RERE: variants seen among roughly 807,000 people sequenced by gnomAD.
RERE encodes arginine-glutamic acid dipeptide repeats.
Under a neutral mutation model 146.1 loss-of-function variants are expected in RERE, and 40 were observed. The observed-to-expected ratio is 0.27, with a 90% CI of 0.21 to 0.36. The LOEUF (loss-of-function observed/expected upper bound fraction) is 0.36, where lower values mean the gene tolerates loss of function less well. Ranked by LOEUF, RERE falls within the 10% of genes least tolerant of loss-of-function variation. RERE has a pLI of 1.00. For synonymous variants in RERE, 1,003 were observed against 866.0 expected (o/e 1.16, Z -2.78); for missense variants, 1,933 against 2,138.7 (o/e 0.90, Z 1.90).
In RERE at chr1:8,365,227, C is replaced by G. The variant is rs116149839; in HGVS notation, c.1448-389G>C. Reference sequence around the variant, plus strand: ...CCCAACCCGTCCTGCTAGGTGATTTCTAGTCGCCTGCATGCGCAACACCGG... The same window carrying G: ...CCCAACCCGTCCTGCTAGGTGATTTGTAGTCGCCTGCATGCGCAACACCGG... On this transcript the variant is annotated intron_variant, in intron 13 of 22. Transcript: ENST00000400908. Among the ~76,000 whole-genome samples the G allele has an allele frequency of 4.4e-3, 676 of 152,302 alleles. 4 individuals are homozygous for G. The highest frequency in any genetic ancestry group is 0.015 in the African/African-American group (644 of 41,564).
At chr1:8,524,597 A>C (rs1386114456) in intron 7 of RERE, among the ~76,000 whole-genome samples, 2 of 152,168 alleles carry the variant, frequency 1.3e-5, no homozygotes, top group African/African-American at 4.8e-5. Flanking sequence ...AAATGCACAA[A>C]ATTTAGGTGG....
intron 1 of RERE, among the ~76,000 whole-genome samples, chr1:8,767,207 A>C (rs1007793911): frequency 6.6e-6 from 1 of 152,190 alleles, no homozygotes; most frequent in Non-Finnish European, 1.5e-5. Context: ...GATGGCTTCT[A>C]TTTTCTCTGG....
At position 8,388,599 on chromosome 1, in the gene RERE, G is replaced by A. The variant is rs183992076; in HGVS notation, c.1285-22625C>T. Among the ~76,000 whole-genome samples the A allele has an allele frequency of 3.6e-3, 543 of 152,278 alleles. 3 individuals are homozygous for A. The highest frequency in any genetic ancestry group is 0.017 in the Middle Eastern group (5 of 294). ...CTCCCAAAGTGCTGGGATTACAGGC[G>A]TGAGCCACCGCGCCCGGCCCAGTCT... On this transcript the variant is annotated intron_variant, in intron 12 of 22. Transcript: ENST00000400908.
At chr1:8,798,041 T>C (rs968212838) in intron 1 of RERE, among the ~76,000 whole-genome samples, 2 of 152,108 alleles carry the variant, frequency 1.3e-5, no homozygotes, top group Non-Finnish European at 2.9e-5. Flanking sequence ...GGAGGATCGA[T>C]TGAGGCCAGG....
At chr1:8,391,347 TGA>T (rs1394875204) in intron 12 of RERE, among the ~76,000 whole-genome samples, 1 of 152,206 alleles carries the variant, frequency 6.6e-6, no homozygotes, top group Non-Finnish European at 1.5e-5. Context: ...GCCTGGCACC[TGA>T]GAGGCCCTCA....
At chr1:8,614,165 A>C (rs1225836400) in intron 4 of RERE, among the ~76,000 whole-genome samples, 2 of 152,142 alleles carry the variant, frequency 1.3e-5, no homozygotes, top group Admixed American at 6.5e-5. Flanking sequence ...ACAACACCCA[A>C]AATAGTTTAG....
At chr1:8,468,852 C>T (rs1029250682) in intron 10 of RERE, among the ~76,000 whole-genome samples, 3 of 151,466 alleles carry the variant, frequency 2.0e-5, no homozygotes, top group Admixed American at 2.0e-4. Context: ...GTCTTGATCA[C>T]ACCACTGCAC....
chr1:8,525,385 C>G (rs1570390822), intron 7 of RERE, among the ~76,000 whole-genome samples: 2 of 152,222 alleles, frequency 1.3e-5, no homozygotes, highest in South Asian at 4.1e-4. Flanking sequence ...GCATTCCATA[C>G]TAGCCACAAG....
chr1:8,602,858 T>C (rs1297116413), intron 4 of RERE, among the ~76,000 whole-genome samples: 2 of 152,232 alleles, frequency 1.3e-5, no homozygotes, highest in East Asian at 3.8e-4. Context: ...AATCTGACTT[T>C]TCTGTCTTGT....
intron 4 of RERE, among the ~76,000 whole-genome samples, chr1:8,611,014 GA>G (rs1443421602): frequency 1.3e-5 from 2 of 151,916 alleles, no homozygotes; most frequent in African/African-American, 4.8e-5. Flanking sequence ...CTAACACAGT[GA>G]AACCCCATCT....
At chr1:8,673,169 C>T (rs933021065) in intron 1 of RERE, among the ~76,000 whole-genome samples, 4 of 152,192 alleles carry the variant, frequency 2.6e-5, no homozygotes, top group African/African-American at 9.7e-5. Context: ...GATCTCAGCT[C>T]ACTGCAACCT....
chr1:8,812,790 G>A (rs946482570), intron 1 of RERE, among the ~76,000 whole-genome samples: 2 of 152,152 alleles, frequency 1.3e-5, no homozygotes, highest in South Asian at 4.1e-4. Flanking sequence ...CAACAAGTTA[G>A]CTATACAAAT....
intron 8 of RERE, 101 bp downstream of exon 8, chr1:8,508,526 T>C (rs1029205600): frequency 5.5e-6 from 5 of 903,766 alleles, no homozygotes; most frequent in South Asian, 2.9e-5. Flanking sequence ...AAATTCCCGA[T>C]AGCAATAACC....
At chr1:8,737,234 G>C (rs1640219090) in intron 1 of RERE, among the ~76,000 whole-genome samples, 1 of 152,084 alleles carries the variant, frequency 6.6e-6, no homozygotes, top group Non-Finnish European at 1.5e-5. Flanking sequence ...GCAGTGCTTT[G>C]GTAAACCAAA....
chr1:8,575,265 C>T (rs1425751057), intron 4 of RERE, among the ~76,000 whole-genome samples: 1 of 152,012 alleles, frequency 6.6e-6, no homozygotes, highest in Non-Finnish European at 1.5e-5. Flanking sequence ...AATCGTGCAT[C>T]CTTGCTGATA....
At chr1:8,728,211 G>A (rs983762169) in intron 1 of RERE, among the ~76,000 whole-genome samples, 3 of 152,204 alleles carry the variant, frequency 2.0e-5, no homozygotes, top group Non-Finnish European at 4.4e-5. Flanking sequence ...CACTTTTACT[G>A]AGCACGCATG....
chr1:8,613,706 C>T (rs968425376), intron 4 of RERE, among the ~76,000 whole-genome samples: 2 of 152,180 alleles, frequency 1.3e-5, no homozygotes, highest in African/African-American at 4.8e-5. Context: ...AACTGGGGCA[C>T]CACAGTCACT....
At chr1:8,373,800 G>T (rs929100912) in intron 12 of RERE, among the ~76,000 whole-genome samples, 1 of 152,202 alleles carries the variant, frequency 6.6e-6, no homozygotes, top group Non-Finnish European at 1.5e-5. Context: ...AACATCTGAG[G>T]TGAGAAGCCG....
intron 1 of RERE, among the ~76,000 whole-genome samples, chr1:8,811,542 A>G (rs571366331): frequency 6.6e-6 from 1 of 152,334 alleles, no homozygotes; most frequent in African/African-American, 2.4e-5. Flanking sequence ...CAGGAGTTCA[A>G]GGCTGCAGTG....
Sources: allele counts gnomAD v4.1 joint callset (sites outside exome capture counted in the v4.1 genomes callset), GRCh38; gene constraint gnomAD v4.1.1; transcripts MANE v1.5; gene names NCBI Gene and HGNC (gene_info 2026-07-23, HGNC 2026-07-21).